The following DNAH7 variants were observed in gnomAD, a reference collection of about 807,000 sequenced individuals.
DNAH7 encodes axonemal beta dynein heavy chain 7.
Under a neutral mutation model 444.6 loss-of-function variants are expected in DNAH7, and 397 were observed. The observed-to-expected ratio is 0.89, with a 90% confidence interval of 0.82 to 0.97. DNAH7 has a LOEUF of 0.97. Among genes scored for constraint, DNAH7 ranks in the 50% least tolerant of loss-of-function variants. DNAH7 has a pLI of 0.00. For synonymous variants in DNAH7, 1,636 were observed against 1,624.4 expected (o/e 1.01, Z -0.17); for missense variants, 4,902 against 4,800.8 (o/e 1.02, Z -0.62).
At chr2:195,992,790 G>A (rs1437853019) in intron 12 of DNAH7, among the ~76,000 whole-genome samples, 2 of 152,186 alleles carry the variant, frequency 1.3e-5, no homozygotes, top group African/African-American at 4.8e-5. Flanking sequence ...ATTTGCAGCT[G>A]ACACAAACCC....
At chr2:196,016,254 TGTG>T (rs916469511) in intron 9 of DNAH7, among the ~76,000 whole-genome samples, 1 of 152,060 alleles carries the variant, frequency 6.6e-6, no homozygotes, top group African/African-American at 2.4e-5. Context: ...AACGATAACT[TGTG>T]GTGTTGTTTT....
At chr2:195,747,685 G>A (rs911705759) in intron 63 of DNAH7, among the ~76,000 whole-genome samples, 3 of 152,128 alleles carry the variant, frequency 2.0e-5, no homozygotes, top group Admixed American at 6.5e-5. Context: ...TTCCATATAT[G>A]CAAATCAATA....
chr2:195,797,329 T>C (rs1012780916), intron 55 of DNAH7, among the ~76,000 whole-genome samples: 4 of 152,196 alleles, frequency 2.6e-5, no homozygotes, highest in Non-Finnish European at 5.9e-5. Flanking sequence ...ACTGCCCCTT[T>C]AGAAGAGGCC....
Position 195,782,773 on chromosome 2 carries a change from G to A in DNAH7, c.10878+4237C>T, listed in dbSNP as rs144194879. Among the ~76,000 whole-genome samples the A allele has an allele frequency of 3.5e-4, 53 of 152,156 alleles. 1 individual carries two copies. The highest frequency in any genetic ancestry group is 6.8e-3 in the Middle Eastern group (2 of 294). ...TACTCTTTATTTACTCAGCTTGCTC[G>A]CTCCTGCTTTTTTTCCTGGCTGCAC... On this transcript the variant is annotated intron_variant, in intron 58 of 64. Transcript: ENST00000312428.
chr2:195,891,617 A>T, intron 31 of DNAH7, 38 bp downstream of exon 31: 1 of 1,488,416 alleles, frequency 6.7e-7, no homozygotes, highest in Non-Finnish European at 8.9e-7. Context: ...AAATATCTTA[A>T]CCTTTTAAGA....
At chr2:195,806,558 A>G (rs1662383374) in intron 54 of DNAH7, among the ~76,000 whole-genome samples, 182 bp downstream of exon 54, 1 of 152,220 alleles carries the variant, frequency 6.6e-6, no homozygotes, top group African/African-American at 2.4e-5. Flanking sequence ...TTACTGATTT[A>G]GGATGGTTTT....
At chr2:195,751,441 C>G (rs766786677) in intron 63 of DNAH7, among the ~76,000 whole-genome samples, 3 of 152,156 alleles carry the variant, frequency 2.0e-5, no homozygotes, top group Non-Finnish European at 4.4e-5. Flanking sequence ...GTGCTAGACA[C>G]TGAGAGGCAC....
intron 52 of DNAH7, 46 bp downstream of exon 52, chr2:195,809,699 C>T: frequency 6.9e-7 from 1 of 1,441,042 alleles, no homozygotes; most frequent in Non-Finnish European, 9.2e-7. Context: ...ATTAATGAAT[C>T]AGCGTTATTA....
At chr2:195,949,999 T>C (rs887623482) in intron 19 of DNAH7, among the ~76,000 whole-genome samples, 6 of 152,200 alleles carry the variant, frequency 3.9e-5, no homozygotes, top group Non-Finnish European at 5.9e-5. Context: ...CTAGATTTGG[T>C]TTGCCAGTAT....
chr2:195,739,628 A>C (rs1692869739), intron 64 of DNAH7, among the ~76,000 whole-genome samples: 1 of 152,236 alleles, frequency 6.6e-6, no homozygotes, highest in Non-Finnish European at 1.5e-5. Flanking sequence ...AAAGTATAAG[A>C]AAAATATAAT....
chr2:195,954,266 G>A (rs1270624198), intron 19 of DNAH7, among the ~76,000 whole-genome samples: 3 of 152,154 alleles, frequency 2.0e-5, no homozygotes, highest in Non-Finnish European at 4.4e-5. Context: ...CTATGAGTGA[G>A]AACATGTGGT....
chr2:196,014,767 T>A (rs888769905), intron 9 of DNAH7, among the ~76,000 whole-genome samples: 1 of 152,162 alleles, frequency 6.6e-6, no homozygotes, highest in Non-Finnish European at 1.5e-5. Context: ...TTCCCTTTCT[T>A]AGGAACATGT....
At chr2:196,011,040 AATACGCACAAAAATACAGTTG>A in intron 10 of DNAH7, among the ~76,000 whole-genome samples, 1 of 152,282 alleles carries the variant, frequency 6.6e-6, no homozygotes, top group Non-Finnish European at 1.5e-5. Flanking sequence ...GAGGTTGGTT[AATACGCACAAAAATACAGTTG>A]ATAGAAGGAA....
chr2:195,831,588 C>T (rs143538425), intron 48 of DNAH7, among the ~76,000 whole-genome samples: 1 of 152,332 alleles, frequency 6.6e-6, no homozygotes, highest in African/African-American at 2.4e-5. Context: ...TCTATCTCTC[C>T]TTCCATTAAG....
At chr2:196,060,199 CAGAG>C (rs953229012) in intron 1 of DNAH7, among the ~76,000 whole-genome samples, 1 of 152,078 alleles carries the variant, frequency 6.6e-6, no homozygotes, top group South Asian at 2.1e-4. Context: ...GCCTGGGCAA[CAGAG>C]AGAGACACTG....
At chr2:195,746,562 C>G (rs1693420101) in intron 63 of DNAH7, among the ~76,000 whole-genome samples, 1 of 152,216 alleles carries the variant, frequency 6.6e-6, no homozygotes, top group Non-Finnish European at 1.5e-5. Flanking sequence ...AGCACCGTAA[C>G]ACACCTATTC....
Position 195,922,337 on chromosome 2 carries a change from T to A in DNAH7, c.3826-140A>T, listed in dbSNP as rs1242533555. 11 of 601,386 alleles carry A rather than the reference T, an allele frequency of 1.8e-5. No homozygotes were observed. The African/African-American group carries it at 2.1e-4, about 11-fold the overall frequency. 37.3% of individuals were successfully genotyped at this position (601,386 alleles called of 1,614,324 possible). On this transcript the variant is annotated intron_variant, in intron 23 of 64. Transcript: ENST00000312428. ...GGTGTCATTTGATTCCATGGCAGAATTAAGTATCTAGTTTCCATCGATGAA... is the reference window on the plus strand; with the variant it reads ...GGTGTCATTTGATTCCATGGCAGAAATAAGTATCTAGTTTCCATCGATGAA...
At chr2:195,980,680 C>T (rs1415412542) in intron 15 of DNAH7, among the ~76,000 whole-genome samples, 1 of 152,036 alleles carries the variant, frequency 6.6e-6, no homozygotes, top group Non-Finnish European at 1.5e-5. Context: ...GGGATTTATC[C>T]CAGGGATGCA....
At chr2:195,758,630 A>G (rs1340450996) in intron 61 of DNAH7, among the ~76,000 whole-genome samples, 2 of 152,202 alleles carry the variant, frequency 1.3e-5, no homozygotes, top group African/African-American at 4.8e-5. Context: ...AATCACTGAA[A>G]GAGGCACTGA....
Sources: allele counts gnomAD v4.1 joint callset (sites outside exome capture counted in the v4.1 genomes callset), GRCh38; gene constraint gnomAD v4.1.1; transcripts MANE v1.5; gene names NCBI Gene and HGNC (gene_info 2026-07-23, HGNC 2026-07-21).